Variants in CHID1 observed in about 807,000 individuals in gnomAD.
CHID1 encodes chitinase domain-containing protein 1.
Under a neutral mutation model 55.4 loss-of-function variants are expected in CHID1, and 44 were observed. That is an observed-to-expected ratio of 0.79 (90% CI 0.62 to 1.02). The LOEUF (loss-of-function observed/expected upper bound fraction) is 1.02, where lower values mean the gene tolerates loss of function less well. CHID1 is among the 50% of genes least tolerant of loss of function. The pLI, the probability that CHID1 is intolerant of heterozygous loss-of-function variation, is 0.00. For missense variants in CHID1, 491 were observed against 515.3 expected, an observed-to-expected ratio of 0.95 and a Z score of 0.46; for synonymous variants, 216 against 212.9, an observed-to-expected ratio of 1.01 and a Z score of -0.13.
intron 10 of CHID1, among the ~76,000 whole-genome samples, chr11:877,231 C>T (rs528202055): frequency 6.6e-6 from 1 of 152,134 alleles, no homozygotes; most frequent in Non-Finnish European, 1.5e-5. Context: ...ATTCTCAGAA[C>T]AATCATGGGT....
chr11:871,160 T>G (rs1229821727), intron 10 of CHID1, among the ~76,000 whole-genome samples: 2 of 152,060 alleles, frequency 1.3e-5, no homozygotes, highest in African/African-American at 2.4e-5. Flanking sequence ...CCGACTAATT[T>G]TTGTTATTTT....
chr11:875,916 G>A lies in CHID1; in HGVS notation c.960-5417C>T, dbSNP rs968512888. ...AGGACACAGTATAGGCTGGAGGAGC[G>A]AGGAGGCTGGGACTGGATGACTGGC... On this transcript the variant is annotated intron_variant, in intron 10 of 12. Coordinates refer to ENST00000323578, the MANE Select transcript of CHID1 (RefSeq NM_023947.4). The surrounding 1 kb of genome is among the most constrained non-coding windows in gnomAD (Gnocchi z 4.7). Among the ~76,000 whole-genome samples the A allele has an allele frequency of 1.3e-5, 2 of 152,146 alleles. No homozygotes were observed. Among genetic ancestry groups the A allele is most frequent in the Non-Finnish European group, 2.9e-5 (2 of 68,024 alleles).
intron 10 of CHID1, among the ~76,000 whole-genome samples, chr11:874,377 C>T (rs913654169): frequency 6.6e-6 from 1 of 152,020 alleles, no homozygotes; most frequent in Non-Finnish European, 1.5e-5. Flanking sequence ...GCAGGAGAAT[C>T]ACTTGAACCT....
At position 868,924 on chromosome 11, in the gene CHID1, T is replaced by C. The variant is rs1849000655; in HGVS notation, c.*934A>G. On this transcript the variant is annotated 3_prime_UTR_variant, in exon 13 of 13. Coordinates refer to ENST00000323578, the MANE Select transcript of CHID1 (RefSeq NM_023947.4). ...CCCTCTACTGCCCACCTCAGCCCTG[T>C]GGGACCCAGTGGTGAGGAGGGGAGT... is the stretch of plus-strand genomic sequence containing the variant. 6.6e-6 allele frequency: 1 copy of C among 151,768 alleles called. No homozygotes were observed. 9.4% of individuals were successfully genotyped at this position (151,768 alleles called of 1,614,324 possible). A position where few individuals can be genotyped will look rare whatever the true frequency, so the allele number is the denominator to read the frequency against.
chr11:874,625 T>C (rs1349877335), intron 10 of CHID1: 2 of 152,120 alleles, frequency 1.3e-5, no homozygotes, highest in Non-Finnish European at 2.9e-5. Flanking sequence ...CTGCTAACTT[T>C]TAACATTTTT....
chr11:872,680 C>A (rs1849256272), intron 10 of CHID1, among the ~76,000 whole-genome samples: 2 of 152,254 alleles, frequency 1.3e-5, no homozygotes, highest in African/African-American at 4.8e-5. Context: ...ACTGCATTAT[C>A]CTTAACTGAA....
At chr11:896,372 G>A in intron 7 of CHID1, among the ~76,000 whole-genome samples, 1 of 118,252 alleles carries the variant, frequency 8.5e-6, no homozygotes, top group East Asian at 2.5e-4. Context: ...CTCCACCCTA[G>A]ACACAACAAG....
intron 7 of CHID1, among the ~76,000 whole-genome samples, chr11:894,137 A>G (rs1851075562): frequency 6.7e-6 from 1 of 149,216 alleles, no homozygotes; most frequent in Non-Finnish European, 1.5e-5. Flanking sequence ...AAAAAAAAAA[A>G]AAAAAAAAAA....
upstream of CHID1, among the ~76,000 whole-genome samples, chr11:913,917 A>T (rs1589925726): frequency 1.3e-5 from 2 of 152,002 alleles, no homozygotes; most frequent in East Asian, 3.9e-4. Context: ...ATACAAAAAA[A>T]ATTAATCGGA....
rs751401456 is a variant in CHID1, at chr11:904,818, G to A, written c.-2C>T. 3.6e-5 allele frequency: 58 copies of A among 1,613,714 alleles called. No individual in the cohort carries two copies. The highest frequency in any genetic ancestry group is 1.8e-4 in the East Asian group (8 of 44,900). ...GAGGAGGTTGAAGAGTGTCCGCATG[G>A]TAGGTGTGTCACAGTAGGGTCCAAC... is the stretch of plus-strand genomic sequence containing the variant. On this transcript the variant is annotated 5_prime_UTR_variant, in exon 2 of 13. Coordinates refer to ENST00000323578, the MANE Select transcript of CHID1 (RefSeq NM_023947.4).
intron 1 of CHID1, 185 bp downstream of exon 1, chr11:910,590 T>TCCTCACACCCTCTCACACGCCC: frequency 1.6e-6 from 2 of 1,212,644 alleles, no homozygotes; most frequent in South Asian, 2.7e-5. Context: ...CTCACCCTCG[T>TCCTCACACCCTCTCACACGCCC]CCTCACACCC....
chr11:898,359 C>CGGG (rs377022472), intron 7 of CHID1, among the ~76,000 whole-genome samples: 94 of 151,912 alleles, frequency 6.2e-4, no homozygotes, highest in African/African-American at 2.2e-3. Flanking sequence ...GTGGTGGGGG[C>CGGG]GGGGGAGCCG....
At chr11:874,866 C>T (rs989091102) in intron 10 of CHID1, 1 of 152,318 alleles carries the variant, frequency 6.6e-6, no homozygotes, top group African/African-American at 2.4e-5. Flanking sequence ...ATTCCGTGTC[C>T]TGGAGGCAGC....
At position 868,783 on chromosome 11, in the gene CHID1, GTCC is replaced by G. The variant is rs1323341685; in HGVS notation, c.*1072_*1074del. 3 of 152,068 alleles carry G rather than the reference GTCC, an allele frequency of 2.0e-5. No homozygotes were observed. Among genetic ancestry groups the G allele is most frequent in the Non-Finnish European group, 4.4e-5 (3 of 68,064 alleles). The allele number at this position is 152,068 out of a possible 1,614,324, so 9.4% of individuals were successfully genotyped here. A position where few individuals can be genotyped will look rare whatever the true frequency, so the allele number is the denominator to read the frequency against. ...TAAACCAGAACCCAGTGCCCACCCT[GTCC>G]TCACCGTCCTCACCCCACGGCATTC... On this transcript the variant is annotated 3_prime_UTR_variant, in exon 13 of 13. Coordinates refer to ENST00000323578, the MANE Select transcript of CHID1 (RefSeq NM_023947.4).
chr11:894,121 CAAAAAAAAAAA>C (rs58548115), intron 7 of CHID1, among the ~76,000 whole-genome samples: 4 of 58,048 alleles, frequency 6.9e-5, no homozygotes, highest in African/African-American at 1.9e-4. Flanking sequence ...GACTCTGTCT[CAAAAAAAAAAA>C]AAAAAAAAAA....
chr11:914,607 G>A (rs1242441413), upstream of CHID1: 14 of 1,277,596 alleles, frequency 1.1e-5, no homozygotes, highest in Admixed American at 9.2e-5. Context: ...GGTGGCTCAC[G>A]CCGTAATCCC....
Position 891,169 on chromosome 11 carries a change from G to A in CHID1, c.701+2258C>T, listed in dbSNP as rs1016068102. Among the ~76,000 whole-genome samples the A allele has an allele frequency of 1.1e-4, 16 of 152,248 alleles. No homozygotes were observed. In the East Asian group the frequency reaches 1.2e-3, roughly 11 times the overall value. ...TAGCCAGAGTCTCGGGAGAACCCAC[G>A]GGAGCCTCAGCACCTTCACCGGCCC... On this transcript the variant is annotated intron_variant, in intron 8 of 12. Transcript: ENST00000323578.
At chr11:897,851 G>A in intron 7 of CHID1, among the ~76,000 whole-genome samples, 1 of 152,286 alleles carries the variant, frequency 6.6e-6, no homozygotes, top group East Asian at 1.9e-4. Flanking sequence ...GCTGGCGGAG[G>A]GTGTGGGGAT....
intron 7 of CHID1, among the ~76,000 whole-genome samples, chr11:898,825 T>C (rs1851584522): frequency 6.6e-6 from 1 of 152,168 alleles, no homozygotes; most frequent in Non-Finnish European, 1.5e-5. Flanking sequence ...GAGGGAGTGC[T>C]GTGGCCGCCT....
Sources: gnomAD v4.1 joint callset for allele counts (sites outside exome capture counted in the v4.1 genomes callset) on GRCh38, gnomAD v4.1.1 for gene constraint, Gnocchi (gnomAD v3.1) non-coding constraint, MANE v1.5 for transcripts, NCBI Gene and HGNC (gene_info 2026-07-23, HGNC 2026-07-21) for gene names.